MACF1: variants seen among roughly 807,000 people sequenced by gnomAD.
The protein encoded by MACF1 is microtubule actin crosslinking factor 1.
Under a neutral mutation model 854.8 loss-of-function variants are expected in MACF1, and 193 were observed. The observed-to-expected ratio is 0.23, with a 90% CI of 0.20 to 0.25. The LOEUF is 0.25. MACF1 is among the 10% of genes least tolerant of loss of function. MACF1 has a pLI of 1.00. For missense variants in MACF1, 7,722 were observed against 8,929.1 expected, an observed-to-expected ratio of 0.86 and a Z score of 5.45; for synonymous variants, 3,185 against 3,226.7, an observed-to-expected ratio of 0.99 and a Z score of 0.44.
chr1:39,402,949 GTCTCT>G (rs78203103), intron 58 of MACF1, among the ~76,000 whole-genome samples: 24,169 of 151,862 alleles, frequency 0.16, 2,370 homozygotes, highest in Middle Eastern at 0.22. Context: ...TCTGTCATCT[GTCTCT>G]TCTCTTCTCT....
At chr1:39,239,965 C>T (rs1393033087) in intron 2 of MACF1, among the ~76,000 whole-genome samples, 1 of 152,204 alleles carries the variant, frequency 6.6e-6, no homozygotes, top group Admixed American at 6.5e-5. Context: ...CCCTATGTTC[C>T]CTAGGCTGGT....
chr1:39,473,934 A>G (rs772535560), intron 97 of MACF1, among the ~76,000 whole-genome samples: 16 of 152,178 alleles, frequency 1.1e-4, no homozygotes, highest in Non-Finnish European at 2.2e-4. Flanking sequence ...GACTCTGCCC[A>G]TGAAGATGGA....
Position 39,388,094 on chromosome 1 carries a change from T to C in MACF1, c.15252T>C (p.Ser5084=). 3 of 1,614,114 alleles carry C rather than the reference T, an allele frequency of 1.9e-6. No homozygotes were observed. Among genetic ancestry groups the C allele is most frequent in the Non-Finnish European group, 2.5e-6 (3 of 1,180,020 alleles). Residue 5084 remains serine (S), a synonymous_variant, in exon 58 of 101, where the codon TCT becomes TCC. Transcript: ENST00000564288. The stretch of plus-strand genomic sequence containing the variant: ...TGGTAGAAGATGCCCCAGATGGATC[T>C]GATGCTTCTCAACTTCTCCACCAAG... The part of the protein sequence containing the change: ...QGLVEDAPDG[S]DASQLLHQAE...
intron 24 of MACF1, 62 bp downstream of exon 24, chr1:39,309,758 T>C: frequency 6.4e-7 from 1 of 1,562,756 alleles, no homozygotes; most frequent in Non-Finnish European, 8.7e-7. Flanking sequence ...CAGAAGGAGC[T>C]TTTTTCATTA....
At chr1:39,198,458 C>T (rs1205924477) in intron 2 of MACF1, among the ~76,000 whole-genome samples, 1 of 151,940 alleles carries the variant, frequency 6.6e-6, no homozygotes, top group Non-Finnish European at 1.5e-5. Flanking sequence ...CGAGACCAGC[C>T]TAACCAATGT....
At chr1:39,193,085 C>T (rs1396472699) in intron 2 of MACF1, among the ~76,000 whole-genome samples, 3 of 151,712 alleles carry the variant, frequency 2.0e-5, no homozygotes, top group Non-Finnish European at 4.4e-5. Flanking sequence ...GCACTACAGT[C>T]TGGGCAACAA....
intron 2 of MACF1, among the ~76,000 whole-genome samples, chr1:39,096,100 T>C (rs1641930375): frequency 6.7e-5 from 10 of 149,058 alleles, no homozygotes. Flanking sequence ...GCCAGGGAGA[T>C]GGAGGCTGCA....
At chr1:39,414,562 C>A in intron 58 of MACF1, 1 of 1,564,818 alleles carries the variant, frequency 6.4e-7, no homozygotes, top group South Asian at 1.2e-5. Context: ...AGAAATGGCA[C>A]AGATAGTTCT....
rs544202743 is a variant in MACF1 at position 39,154,895 on chromosome 1, G to A, written c.220+70457G>A. 1.1e-4 allele frequency among the ~76,000 whole-genome samples: 17 copies of A among 152,010 alleles called. 2 individuals are homozygous for A. The East Asian group carries it at 2.7e-3, about 24-fold the overall frequency. On this transcript the variant is annotated intron_variant, in intron 2 of 93. Transcript: ENST00000361689. ...TTGGAGACAGAAGGGCTTTTTTTCC[G>A]CTTTGTCAGCAGCTGGCCAGAGAAT...
intron 2 of MACF1, among the ~76,000 whole-genome samples, chr1:39,246,971 G>T (rs1644988294): frequency 6.7e-6 from 1 of 149,304 alleles, no homozygotes; most frequent in South Asian, 2.1e-4. Flanking sequence ...GTGTGATCTT[G>T]GCTCACTGCA....
chr1:39,201,439 G>A (rs996436955), upstream of MACF1, among the ~76,000 whole-genome samples: 10 of 151,816 alleles, frequency 6.6e-5, no homozygotes, highest in African/African-American at 2.2e-4. Context: ...TGCAACCTCC[G>A]CCTCCTGGAT....
At chr1:39,433,951 G>A (rs1364855077) in intron 68 of MACF1, among the ~76,000 whole-genome samples, 3 of 152,124 alleles carry the variant, frequency 2.0e-5, no homozygotes. Flanking sequence ...GTGGCAGTGG[G>A]AACCTGTAAT....
rs1164242350 is a variant in MACF1 at position 39,387,349 on chromosome 1, A to G, written c.14507A>G (p.Asn4836Ser). Residue 4836 changes from asparagine (N) to serine (S), a missense_variant, in exon 58 of 101, where the codon AAT becomes AGT. This residue lies in a region of MACF1 where 2,807 missense variants were observed against 3,235.8 expected (regional missense o/e 0.87). Coordinates refer to ENST00000564288, the MANE Select transcript of MACF1 (RefSeq NM_001394062.1). The part of the protein sequence containing the change: ...LERLQSQLQE[N>S]EEFQKSLNQH... ...CGGCTACAGTCTCAGCTACAGGAGA[A>G]TGAAGAGTTTCAGAAAAGTCTTAAT... 1 of 1,614,230 alleles carries G rather than the reference A, an allele frequency of 6.2e-7. No homozygotes were observed. The highest frequency in any genetic ancestry group is 1.7e-5 in the Admixed American group (1 of 60,020).
At chr1:39,132,104 C>T (rs1479358703) in intron 2 of MACF1, among the ~76,000 whole-genome samples, 2 of 152,216 alleles carry the variant, frequency 1.3e-5, no homozygotes, top group Non-Finnish European at 2.9e-5. Context: ...AGGGATATCC[C>T]TCAGTAAAGG....
In MACF1 at chr1:39,084,524, G is replaced by T. The variant is rs954923456; in HGVS notation, c.220+86G>T. The T allele has an allele frequency of 8.8e-7, 1 of 1,140,108 alleles. No homozygotes were observed. The highest frequency in any genetic ancestry group is 1.3e-6 in the Non-Finnish European group (1 of 792,136). The allele number at this position is 1,140,108 out of a possible 1,614,324, so 70.6% of individuals were successfully genotyped here. On this transcript the variant is annotated intron_variant, in intron 2 of 93. Transcript: ENST00000361689. This position sits in a 1 kb window ranked among gnomAD's most constrained non-coding sequence, Gnocchi z 5.2. ...ACAGCAGCTGTGTGGGGAGCCGAGG[G>T]GTCCTCACCAGGGCCTCTGACAAAG...
At chr1:39,134,710 T>C (rs1420821015) in intron 2 of MACF1, among the ~76,000 whole-genome samples, 1 of 152,204 alleles carries the variant, frequency 6.6e-6, no homozygotes, top group African/African-American at 2.4e-5. Context: ...GGTTGGCACA[T>C]AGTATGTAAT....
intron 23 of MACF1, among the ~76,000 whole-genome samples, chr1:39,306,895 A>G (rs562590854): frequency 5.1e-4 from 66 of 129,444 alleles, no homozygotes; most frequent in African/African-American, 1.5e-3. Context: ...ATTATTATTG[A>G]GATAGAGTCT....
chr1:39,245,793 T>C (rs1644975653), intron 2 of MACF1, among the ~76,000 whole-genome samples: 1 of 152,208 alleles, frequency 6.6e-6, no homozygotes, highest in South Asian at 2.1e-4. Flanking sequence ...TGATTTTTAT[T>C]CCCTATGTTC....
chr1:39,252,170 A>G (rs1645047355), intron 4 of MACF1, among the ~76,000 whole-genome samples: 1 of 152,218 alleles, frequency 6.6e-6, no homozygotes, highest in South Asian at 2.1e-4. Flanking sequence ...AAGGGTTGGC[A>G]CAAAAAGAAT....
Sources: allele counts gnomAD v4.1 joint callset (sites outside exome capture counted in the v4.1 genomes callset), GRCh38; gene constraint gnomAD v4.1.1; regional missense constraint gnomAD v4.1.1; non-coding constraint Gnocchi (gnomAD v3.1); transcripts MANE v1.5; gene names NCBI Gene and HGNC (gene_info 2026-07-23, HGNC 2026-07-21).